The following STXBP6 variants were observed in gnomAD, a reference collection of about 807,000 sequenced individuals.
STXBP6 encodes the protein syntaxin binding protein 6, also known as syntaxin-binding protein 6.
In STXBP6, 21 loss-of-function variants were observed where a neutral mutation model predicts 26.9. The observed-to-expected ratio is 0.78, with a 90% CI of 0.55 to 1.12. The LOEUF is 1.12. Among genes scored for constraint, STXBP6 ranks in the 50% most tolerant of loss-of-function variants. The pLI, the probability that STXBP6 is intolerant of heterozygous loss-of-function variation, is 0.00. For synonymous variants in STXBP6, 97 were observed against 92.6 expected, an observed-to-expected ratio of 1.05 and a Z score of -0.27; for missense variants, 232 against 257.9, an observed-to-expected ratio of 0.90 and a Z score of 0.69.
chr14:24,943,456 T>C (rs1482817039), intron 2 of STXBP6, among the ~76,000 whole-genome samples: 2 of 152,250 alleles, frequency 1.3e-5, no homozygotes, highest in Non-Finnish European at 2.9e-5. Context: ...TACAGCTGAA[T>C]GGAAACCTAA....
chr14:24,935,958 A>G (rs1300747112), intron 2 of STXBP6, among the ~76,000 whole-genome samples: 1 of 152,248 alleles, frequency 6.6e-6, no homozygotes, highest in Non-Finnish European at 1.5e-5. Flanking sequence ...CAAGAATCCA[A>G]AACAAACGAG....
intron 1 of STXBP6, among the ~76,000 whole-genome samples, chr14:25,034,535 C>T (rs962030210): frequency 1.3e-5 from 2 of 152,144 alleles, no homozygotes; most frequent in African/African-American, 2.4e-5. Flanking sequence ...TCTGACCATA[C>T]CCTCTAGTCA....
At chr14:24,990,781 T>C (rs11625143) in intron 1 of STXBP6, among the ~76,000 whole-genome samples, 57,010 of 151,206 alleles carry the variant, frequency 0.38, 13,598 homozygotes, top group African/African-American at 0.69. Flanking sequence ...GAGAAGAAGG[T>C]TGATCACATA....
At chr14:24,997,191 T>C (rs2074626760) in intron 1 of STXBP6, among the ~76,000 whole-genome samples, 1 of 152,106 alleles carries the variant, frequency 6.6e-6, no homozygotes, top group Non-Finnish European at 1.5e-5. Context: ...TCTATGTGCG[T>C]AGCCCTCACC....
At chr14:24,968,436 T>C (rs934454454) in intron 2 of STXBP6, among the ~76,000 whole-genome samples, 1 of 152,060 alleles carries the variant, frequency 6.6e-6, no homozygotes, top group Admixed American at 6.6e-5. Flanking sequence ...TTCTTTCTAC[T>C]TTCTACTTTT....
intron 2 of STXBP6, among the ~76,000 whole-genome samples, chr14:24,914,515 TG>T (rs1215633793): frequency 6.6e-6 from 1 of 152,208 alleles, no homozygotes; most frequent in African/African-American, 2.4e-5. Context: ...AAAGACAGGC[TG>T]GTTGCATTAT....
intron 1 of STXBP6, among the ~76,000 whole-genome samples, chr14:25,033,043 T>G (rs1042344983): frequency 6.6e-6 from 1 of 152,172 alleles, no homozygotes; most frequent in Non-Finnish European, 1.5e-5. Context: ...CCTGTTCTAA[T>G]CCATCAAACA....
intron 2 of STXBP6, among the ~76,000 whole-genome samples, chr14:24,881,565 A>G (rs2070357006): frequency 6.6e-6 from 1 of 152,236 alleles, no homozygotes; most frequent in African/African-American, 2.4e-5. Flanking sequence ...CTTACTATGG[A>G]AGTCCATTTA....
intron 1 of STXBP6, among the ~76,000 whole-genome samples, chr14:25,029,016 C>A (rs1022020865): frequency 6.6e-6 from 1 of 152,134 alleles, no homozygotes; most frequent in African/African-American, 2.4e-5. Context: ...GGAGTTGCTT[C>A]TTATGGATGA....
intron 2 of STXBP6, among the ~76,000 whole-genome samples, chr14:24,870,258 G>C (rs959808907): frequency 2.0e-5 from 3 of 151,952 alleles, no homozygotes; most frequent in African/African-American, 7.3e-5. Flanking sequence ...CTTAACGAGG[G>C]GCCAAATATG....
intron 4 of STXBP6, among the ~76,000 whole-genome samples, chr14:24,845,963 G>T (rs1281806857): frequency 6.6e-6 from 1 of 152,196 alleles, no homozygotes; most frequent in Non-Finnish European, 1.5e-5. Flanking sequence ...GGGGCCTCCA[G>T]AAGGACACAG....
intron 2 of STXBP6, among the ~76,000 whole-genome samples, chr14:24,898,592 G>A (rs187872517): frequency 6.6e-6 from 1 of 152,034 alleles, no homozygotes; most frequent in Non-Finnish European, 1.5e-5. Context: ...CAGGAGAATC[G>A]CTTGAATCCA....
intron 4 of STXBP6, among the ~76,000 whole-genome samples, chr14:24,845,547 T>A (rs861258): frequency 0.079 from 11,973 of 152,186 alleles, 586 homozygotes; most frequent in East Asian, 0.21. Context: ...TTAGAACAGA[T>A]TAGCAGAAGT....
chr14:24,905,525 T>C (rs1332168068), intron 2 of STXBP6, among the ~76,000 whole-genome samples: 2 of 152,150 alleles, frequency 1.3e-5, no homozygotes, highest in Admixed American at 6.6e-5. Flanking sequence ...AAAGAAAACC[T>C]TGGGAATCTA....
At chr14:25,039,001 G>C (rs1355172585) in intron 1 of STXBP6, among the ~76,000 whole-genome samples, 1 of 150,666 alleles carries the variant, frequency 6.6e-6, no homozygotes, top group Non-Finnish European at 1.5e-5. Flanking sequence ...ATTGCTAACA[G>C]AGTAGATTTT....
intron 2 of STXBP6, among the ~76,000 whole-genome samples, chr14:24,937,137 C>T (rs549889512): frequency 2.6e-5 from 4 of 152,242 alleles, no homozygotes; most frequent in Non-Finnish European, 4.4e-5. Flanking sequence ...CAGGGCCTGT[C>T]GGCGGGTGAG....
chr14:24,931,137 A>AAC (rs2072384653), intron 2 of STXBP6, among the ~76,000 whole-genome samples: 1 of 139,460 alleles, frequency 7.2e-6, no homozygotes, highest in African/African-American at 2.7e-5. Flanking sequence ...AAAAAAAAAA[A>AAC]AAAAACCCAA....
rs1308533887 is a variant in STXBP6 at position 24,812,680 on chromosome 14, TAAG to T, written c.*26_*28del. 6.2e-7 allele frequency: 1 copy of T among 1,611,058 alleles called. No individual in the cohort carries two copies. The highest frequency in any genetic ancestry group is 2.2e-5 in the East Asian group (1 of 44,806). On this transcript the variant is annotated 3_prime_UTR_variant, in exon 6 of 6. Transcript: ENST00000323944. Reference sequence around the variant, plus strand: ...GCTGAACAAACTCTTCAGTTTCTCTTAAGAAGAGTCACCAGGATAGGCAGTTTC... The same window carrying T: ...GCTGAACAAACTCTTCAGTTTCTCTTAAGAGTCACCAGGATAGGCAGTTTC...
chr14:24,932,334 G>A lies in STXBP6; in HGVS notation c.154+42331C>T, dbSNP rs536567751. ...AGGCAGGAGAATCGTTTGAACCTGG[G>A]ATTTAAAGTTTTTAAATCTGTCTTT... On this transcript the variant is annotated intron_variant, in intron 2 of 5. Transcript: ENST00000323944. Among the ~76,000 whole-genome samples, 19 of 152,286 alleles carry A rather than the reference G, an allele frequency of 1.2e-4. No individual in the cohort carries two copies. In the South Asian group the frequency reaches 3.9e-3, roughly 32 times the overall value.
Sources: gnomAD v4.1 joint callset for allele counts (sites outside exome capture counted in the v4.1 genomes callset) on GRCh38, gnomAD v4.1.1 for gene constraint, MANE v1.5 for transcripts, NCBI Gene and HGNC (gene_info 2026-07-23, HGNC 2026-07-21) for gene names.